Variants in OXNAD1 observed in about 807,000 individuals in gnomAD.
OXNAD1 encodes oxidoreductase NAD binding domain containing 1, also known as oxidoreductase NAD-binding domain-containing protein 1.
In OXNAD1, 34 loss-of-function variants were observed where a neutral mutation model predicts 32.9. The ratio of observed to expected loss-of-function variants is 1.03; its 90% CI spans 0.79 to 1.38. OXNAD1 has a LOEUF of 1.38. Among genes scored for constraint, OXNAD1 ranks in the 40% most tolerant of loss-of-function variants. The pLI is 0.00. For synonymous variants in OXNAD1, 134 were observed against 135.2 expected (o/e 0.99, Z 0.06); for missense variants, 407 against 379.4 (o/e 1.07, Z -0.60).
chr3:16,313,032 C>T (rs1211662523), intron 9 of OXNAD1, among the ~76,000 whole-genome samples: 4 of 150,678 alleles, frequency 2.7e-5, no homozygotes, highest in Admixed American at 6.6e-5. Context: ...GTTTATTTAA[C>T]GCCCATGTCA....
chr3:16,298,807 A>G lies in OXNAD1; in HGVS notation c.433-2819A>G, dbSNP rs982594813. On this transcript the variant is annotated intron_variant, in intron 6 of 8. Transcript: ENST00000285083. The surrounding 1 kb of genome is among the most constrained non-coding windows in gnomAD (Gnocchi z 5.1). ...GAAAGGTTGTTTATTTCACAAGTAG[A>G]AAATCTATACCAAAATTAGATACAT... Among the ~76,000 whole-genome samples, 3 of 152,226 alleles carry G rather than the reference A, an allele frequency of 2.0e-5. No homozygotes were observed. The highest frequency in any genetic ancestry group is 7.2e-5 in the African/African-American group (3 of 41,452).
downstream of OXNAD1, among the ~76,000 whole-genome samples, chr3:16,337,673 C>T (rs919538514): frequency 2.7e-5 from 4 of 146,998 alleles, no homozygotes; most frequent in African/African-American, 5.1e-5. This position sits in a 1 kb window ranked among gnomAD's most constrained non-coding sequence, Gnocchi z 5.0. Flanking sequence ...ACCCAGGAGG[C>T]GGAGGTTGCA....
In OXNAD1 at chr3:16,288,640, G is replaced by A. The variant is rs2066230857; in HGVS notation, c.290+2192G>A. On this transcript the variant is annotated intron_variant, in intron 5 of 8. Coordinates refer to ENST00000285083, the MANE Select transcript of OXNAD1 (RefSeq NM_138381.5). The surrounding 1 kb of genome is among the most constrained non-coding windows in gnomAD (Gnocchi z 5.1). ...TCCTGTAGCAATAAACCAGTTCCAA[G>A]AACTGTAGCAATCCAATCCCGAGAG... Among the ~76,000 whole-genome samples the A allele has an allele frequency of 6.6e-6, 1 of 152,156 alleles. No homozygotes were observed. Among genetic ancestry groups the A allele is most frequent in the Non-Finnish European group, 1.5e-5 (1 of 68,032 alleles).
In OXNAD1 at chr3:16,299,714, C is replaced by T. The variant is rs780685799; in HGVS notation, c.433-1912C>T. 2.6e-5 allele frequency among the ~76,000 whole-genome samples: 4 copies of T among 152,190 alleles called. No homozygotes were observed. The highest frequency in any genetic ancestry group is 4.8e-5 in the African/African-American group (2 of 41,452). The stretch of plus-strand genomic sequence containing the variant: ...TGCTAAGGGTTTGGTTCTCAAAAAG[C>T]ACGCGATGTGTTATTACTTCTTAGG... On this transcript the variant is annotated intron_variant, in intron 6 of 8. Coordinates refer to ENST00000285083, the MANE Select transcript of OXNAD1 (RefSeq NM_138381.5). This position sits in a 1 kb window ranked among gnomAD's most constrained non-coding sequence, Gnocchi z 4.4.
intron 1 of OXNAD1, among the ~76,000 whole-genome samples, chr3:16,266,178 A>G (rs2064484140): frequency 6.6e-6 from 1 of 152,228 alleles, no homozygotes; most frequent in South Asian, 2.1e-4. Context: ...CTTCTAAGAA[A>G]GGATTGGAGT....
At chr3:16,283,912 G>A (rs1032121272) in intron 4 of OXNAD1, among the ~76,000 whole-genome samples, 2 of 152,164 alleles carry the variant, frequency 1.3e-5, no homozygotes, top group Non-Finnish European at 2.9e-5. Flanking sequence ...ACTGGACATT[G>A]AGTTTGGTTG....
At chr3:16,278,387 T>A (rs138179708) in intron 4 of OXNAD1, among the ~76,000 whole-genome samples, 2 of 152,334 alleles carry the variant, frequency 1.3e-5, no homozygotes, top group African/African-American at 4.8e-5. Context: ...AGATTGGTAC[T>A]TGATTCTCAC....
rs2070628897 is a variant in OXNAD1 at position 16,334,204 on chromosome 3, CCT to C, written c.*31-2907_*31-2906del. On this transcript the variant is annotated intron_variant, in intron 9 of 9. Transcript: ENST00000435829. This position sits in a 1 kb window ranked among gnomAD's most constrained non-coding sequence, Gnocchi z 4.3. ...AACAAAAAACAACAACAAAAAATAC[CCT>C]GAGATACTATTTTTTCACCTATTGA... 6.6e-6 allele frequency among the ~76,000 whole-genome samples: 1 copy of C among 152,032 alleles called. No individual in the cohort carries two copies. The highest frequency in any genetic ancestry group is 2.4e-5 in the African/African-American group (1 of 41,400).
At position 16,317,078 on chromosome 3, in the gene OXNAD1, G is replaced by T; in HGVS notation, c.*30+13486G>T. The T allele has an allele frequency of 3.1e-6, 5 of 1,613,748 alleles. No individual in the cohort carries two copies. Among genetic ancestry groups the T allele is most frequent in the Non-Finnish European group, 4.2e-6 (5 of 1,179,930 alleles). On this transcript the variant is annotated intron_variant, in intron 9 of 9. Coordinates refer to the OXNAD1 transcript ENST00000435829. The surrounding 1 kb of genome is among the most constrained non-coding windows in gnomAD (Gnocchi z 4.3). ...GACTCCACCCTCCTGCTGCTGTCCT[G>T]AAACACAGTTTCCCATGTCTCCAGC...
chr3:16,328,952 G>A (rs1490405138), intron 9 of OXNAD1, among the ~76,000 whole-genome samples: 3 of 152,228 alleles, frequency 2.0e-5, no homozygotes, highest in Admixed American at 6.5e-5. Flanking sequence ...CACACTGCAA[G>A]GGGAGAAAAG....
chr3:16,338,292 C>T (rs923706339), downstream of OXNAD1, among the ~76,000 whole-genome samples: 6 of 152,212 alleles, frequency 3.9e-5, no homozygotes, highest in African/African-American at 7.2e-5. This position sits in a 1 kb window ranked among gnomAD's most constrained non-coding sequence, Gnocchi z 5.3. Context: ...CATGCAACCA[C>T]GCAAGGCTCC....
In OXNAD1 at chr3:16,321,145, G is replaced by A. The variant is rs1011086756; in HGVS notation, c.*31-15967G>A. Among the ~76,000 whole-genome samples, 2 of 152,064 alleles carry A rather than the reference G, an allele frequency of 1.3e-5. No individual in the cohort carries two copies. The highest frequency in any genetic ancestry group is 2.4e-5 in the African/African-American group (1 of 41,384). On this transcript the variant is annotated intron_variant, in intron 9 of 9. Coordinates refer to the OXNAD1 transcript ENST00000435829. The surrounding 1 kb of genome is among the most constrained non-coding windows in gnomAD (Gnocchi z 4.8). ...ATGCCATTCCTCTAGATAGGGTGGC[G>A]GTTGGCCAGGTGGGCGAGGTATGGG...
At chr3:16,278,219 G>T (rs550701621) in intron 4 of OXNAD1, among the ~76,000 whole-genome samples, 1 of 152,212 alleles carries the variant, frequency 6.6e-6, no homozygotes, top group South Asian at 2.1e-4. Flanking sequence ...AGATTTTAAT[G>T]GGACTCTGAT....
At chr3:16,272,308 C>G (rs1463201660) in intron 4 of OXNAD1, 1 of 291,618 alleles carries the variant, frequency 3.4e-6, no homozygotes, top group Non-Finnish European at 6.9e-6. Context: ...AAAGGATCCT[C>G]ACCCTTTACC....
chr3:16,281,895 CTTTTTTTTTT>C (rs1213407558), intron 4 of OXNAD1, among the ~76,000 whole-genome samples: 1 of 110,552 alleles, frequency 9.0e-6, no homozygotes, highest in Admixed American at 9.7e-5. Flanking sequence ...AATAACATTT[CTTTTTTTTTT>C]TTTTTTTTTT....
rs371154992 is a variant in OXNAD1, at chr3:16,318,421, C to T, written c.*30+14829C>T. Among the ~76,000 whole-genome samples, 12 of 152,258 alleles carry T rather than the reference C, an allele frequency of 7.9e-5. 2 individuals are homozygous for T. The highest frequency in any genetic ancestry group is 1.9e-4 in the East Asian group (1 of 5,190). On this transcript the variant is annotated intron_variant, in intron 9 of 9. Coordinates refer to the OXNAD1 transcript ENST00000435829. The stretch of plus-strand genomic sequence containing the variant: ...AGAGGAGCCCAGGAATGCAGTTGCA[C>T]CATCAGTGGGAAATGATTTCTTAAG...
At position 16,327,653 on chromosome 3, in the gene OXNAD1, C is replaced by T. The variant is rs948520647; in HGVS notation, c.*31-9459C>T. ...GCGGGCGCCTGTAGTCCCAGCTACT[C>T]GGGAGGCTGAGGCAGGAGAATGGCG... On this transcript the variant is annotated intron_variant, in intron 9 of 9. Transcript: ENST00000435829. This position sits in a 1 kb window ranked among gnomAD's most constrained non-coding sequence, Gnocchi z 4.2. Among the ~76,000 whole-genome samples the T allele has an allele frequency of 4.0e-5, 6 of 151,604 alleles. No individual in the cohort carries two copies. The highest frequency in any genetic ancestry group is 3.9e-4 in the East Asian group (2 of 5,154).
chr3:16,316,736 A>G lies in OXNAD1; in HGVS notation c.*30+13144A>G. The G allele has an allele frequency of 6.6e-7, 1 of 1,505,160 alleles. No homozygotes were observed. Among genetic ancestry groups the G allele is most frequent in the African/African-American group, 1.4e-5 (1 of 72,364 alleles). 93.2% of individuals were successfully genotyped at this position (1,505,160 alleles called of 1,614,324 possible). On this transcript the variant is annotated intron_variant, in intron 9 of 9. Coordinates refer to the OXNAD1 transcript ENST00000435829. This position sits in a 1 kb window ranked among gnomAD's most constrained non-coding sequence, Gnocchi z 4.5. ...AGCCAAGCCAAAGGGTAGGTAACACACAACACCAGGGAAACCAGCCCCCAA... is the reference window on the plus strand; with the variant it reads ...AGCCAAGCCAAAGGGTAGGTAACACGCAACACCAGGGAAACCAGCCCCCAA...
In OXNAD1 at chr3:16,290,527, CA is replaced by C. The variant is rs1215111516; in HGVS notation, c.290+4083del. Among the ~76,000 whole-genome samples, 3 of 152,156 alleles carry C rather than the reference CA, an allele frequency of 2.0e-5. No homozygotes were observed. The highest frequency in any genetic ancestry group is 2.9e-5 in the Non-Finnish European group (2 of 68,028). On this transcript the variant is annotated intron_variant, in intron 5 of 8. Transcript: ENST00000285083. The surrounding 1 kb of genome is among the most constrained non-coding windows in gnomAD (Gnocchi z 4.2). ...CACTGTAGTTCAGGAGATGAAGCAGCAAAAGTAGCTTATTAATGTATTTATT... is the reference window on the plus strand; with the variant it reads ...CACTGTAGTTCAGGAGATGAAGCAGCAAAGTAGCTTATTAATGTATTTATT...
Sources: allele counts gnomAD v4.1 joint callset (sites outside exome capture counted in the v4.1 genomes callset), GRCh38; gene constraint gnomAD v4.1.1; non-coding constraint Gnocchi (gnomAD v3.1); transcripts MANE v1.5; gene names NCBI Gene and HGNC (gene_info 2026-07-23, HGNC 2026-07-21).